Variants in HJURP observed in about 807,000 individuals in gnomAD.
HJURP encodes the protein 14-3-3-associated AKT substrate.
In HJURP, 49 loss-of-function variants were observed where a neutral mutation model predicts 72.0. The observed-to-expected ratio is 0.68, with a 90% CI of 0.54 to 0.86. The LOEUF (loss-of-function observed/expected upper bound fraction) is 0.86, where lower values mean the gene tolerates loss of function less well. HJURP is among the 40% of genes least tolerant of loss of function. HJURP has a pLI of 0.00. For synonymous variants in HJURP, 357 were observed against 347.1 expected, an observed-to-expected ratio of 1.03 and a Z score of -0.32; for missense variants, 908 against 936.3, an observed-to-expected ratio of 0.97 and a Z score of 0.39.
At chr2:233,848,570 G>A (rs1329246172) in intron 4 of HJURP, among the ~76,000 whole-genome samples, 2 of 152,218 alleles carry the variant, frequency 1.3e-5, no homozygotes, top group African/African-American at 4.8e-5. Context: ...GAGGAATGAG[G>A]CAGAGGCTGA....
At position 233,844,047 on chromosome 2, in the gene HJURP, C is replaced by T. The variant is rs562808789; in HGVS notation, c.574+158G>A. Among the ~76,000 whole-genome samples, 17 of 152,320 alleles carry T rather than the reference C, an allele frequency of 1.1e-4. 1 individual carries two copies. In the South Asian group the frequency reaches 2.9e-3, roughly 26 times the overall value. ...ACAGCTCATTTTGAAACATCTTAAT[C>T]TTCCAGTGAAATCCAAGTATATCTC... On this transcript the variant is annotated intron_variant, in intron 7 of 8. Coordinates refer to ENST00000411486, the MANE Select transcript of HJURP (RefSeq NM_018410.5).
Position 233,854,510 on chromosome 2 carries a change from C to A in HJURP, c.-10G>T. 1 of 1,599,016 alleles carries A rather than the reference C, an allele frequency of 6.3e-7. No individual in the cohort carries two copies. The highest frequency in any genetic ancestry group is 1.1e-5 in the South Asian group (1 of 89,982). On this transcript the variant is annotated 5_prime_UTR_variant, in exon 1 of 9. Coordinates refer to ENST00000411486, the MANE Select transcript of HJURP (RefSeq NM_018410.5). ...GCAGCGTACCCAGCATCGGACCCAG[C>A]CAGTACCCAAGCGCCAACCCGGACT...
rs1379054675 is a variant in HJURP at position 233,846,379 on chromosome 2, G to A, written c.403-559C>T. Among the ~76,000 whole-genome samples the A allele has an allele frequency of 6.6e-6, 1 of 152,186 alleles. No homozygotes were observed. Among genetic ancestry groups the A allele is most frequent in the Non-Finnish European group, 1.5e-5 (1 of 68,030 alleles). On this transcript the variant is annotated intron_variant, in intron 5 of 8. Coordinates refer to ENST00000411486, the MANE Select transcript of HJURP (RefSeq NM_018410.5). The surrounding 1 kb of genome is among the most constrained non-coding windows in gnomAD (Gnocchi z 4.3). ...AGGCAGGAGAATCGCTTGAACCCAG[G>A]AAGTAGAGGTTGCAGTGAGCTGAGA...
chr2:233,848,604 T>TAACGCTAGAGGGAAGACGGCAC (rs1705426182), intron 4 of HJURP, among the ~76,000 whole-genome samples: 1 of 152,096 alleles, frequency 6.6e-6, no homozygotes, highest in Non-Finnish European at 1.5e-5. Context: ...GGTTTCTGGC[T>TAACGCTAGAGGGAAGACGGCAC]AACGCTAGAG....
Position 233,845,835 on chromosome 2 carries a change from G to C in HJURP, c.403-15C>G, listed in dbSNP as rs1293558876. On this transcript the variant is annotated splice_polypyrimidine_tract_variant and intron_variant, in intron 5 of 8. Transcript: ENST00000411486. ...GGCACTGCAGGCTGATCAAAAAAGA[G>C]AAGTCAGAATTTTTAAGAGCTTCTG... 20 of 1,585,034 alleles carry C rather than the reference G, an allele frequency of 1.3e-5. No individual in the cohort carries two copies. The highest frequency in any genetic ancestry group is 1.7e-5 in the Non-Finnish European group (20 of 1,157,380).
intron 1 of HJURP, 57 bp downstream of exon 1, chr2:233,854,326 TC>T (rs1228520029): frequency 3.9e-6 from 5 of 1,272,888 alleles, no homozygotes; most frequent in Non-Finnish European, 5.6e-6. Context: ...CTACGTCCCC[TC>T]CCAGCCTCAC....
In HJURP at chr2:233,841,210, GTGA is replaced by G; in HGVS notation, c.1567_1569del (p.Ser523del). The G allele has an allele frequency of 6.2e-7, 1 of 1,614,200 alleles. No homozygotes were observed. Among genetic ancestry groups the G allele is most frequent in the Non-Finnish European group, 8.5e-7 (1 of 1,180,034 alleles). ...CTGTGTGTGGGGTTGGTCTTTGGAA[GTGA>G]TGAAGATGAATCGCTCTTGGGCAGG... On this transcript the variant is annotated inframe_deletion, in exon 8 of 9. Coordinates refer to ENST00000411486, the MANE Select transcript of HJURP (RefSeq NM_018410.5).
chr2:233,841,639 G>A lies in HJURP; in HGVS notation c.1141C>T (p.Pro381Ser), dbSNP rs145326451. 1.9e-6 allele frequency: 3 copies of A among 1,614,182 alleles called. No homozygotes were observed. In the South Asian group the frequency reaches 3.3e-5, roughly 18 times the overall value. ...DPSWKERKVT[P>S]SKYSSLIYFD... is the part of the protein sequence containing the mutation. ...TAAATCAAGGAAGAATACTTCGAGG[G>A]TGTCACTTTGCGCTCCTTCCAACTT... Residue 381 changes from proline (P) to serine (S), a missense_variant, in exon 8 of 9, where the codon CCC becomes TCC. By Grantham distance (74) the Pro-to-Ser change is moderately conservative. Transcript: ENST00000411486.
chr2:233,838,450 A>G (rs1705135508), intron 8 of HJURP, among the ~76,000 whole-genome samples: 3 of 152,164 alleles, frequency 2.0e-5, no homozygotes, highest in Non-Finnish European at 4.4e-5. Flanking sequence ...TGCACGGAGC[A>G]CTGGGGCAGA....
At chr2:233,849,217 C>G (rs895545979) in intron 4 of HJURP, among the ~76,000 whole-genome samples, 3 of 152,112 alleles carry the variant, frequency 2.0e-5, no homozygotes, top group African/African-American at 7.2e-5. Flanking sequence ...AAGGAAGGGG[C>G]CCAGGACAGG....
In HJURP at chr2:233,846,087, ATCTG is replaced by A; in HGVS notation, c.403-271_403-268del. On this transcript the variant is annotated intron_variant, in intron 5 of 8. Transcript: ENST00000411486. This position sits in a 1 kb window ranked among gnomAD's most constrained non-coding sequence, Gnocchi z 4.3. ...GCATTGCTAGACCAGGAAAAAAAAA[ATCTG>A]AATATTCATAGGTGAGTTCAGGACT... 1 of 358,742 alleles carries A rather than the reference ATCTG, an allele frequency of 2.8e-6. No homozygotes were observed. Among genetic ancestry groups the A allele is most frequent in the East Asian group, 5.1e-5 (1 of 19,438 alleles). The allele number at this position is 358,742 out of a possible 1,614,324, so 22.2% of individuals were successfully genotyped here. A position where few individuals can be genotyped will look rare whatever the true frequency, so the allele number is the denominator to read the frequency against.
At chr2:233,849,307 G>C (rs892358963) in intron 4 of HJURP, among the ~76,000 whole-genome samples, 2 of 152,172 alleles carry the variant, frequency 1.3e-5, no homozygotes, top group Admixed American at 6.5e-5. Context: ...AGGGGACAGA[G>C]ACTGAAGACA....
intron 4 of HJURP, among the ~76,000 whole-genome samples, 181 bp downstream of exon 4, chr2:233,849,582 G>A (rs1294795670): frequency 6.6e-6 from 1 of 152,206 alleles, no homozygotes; most frequent in Non-Finnish European, 1.5e-5. Flanking sequence ...GGATGTAACT[G>A]TGGGCAAGGC....
chr2:233,841,121 T>C lies in HJURP; in HGVS notation c.1659A>G (p.Arg553=), dbSNP rs1192100614. 2.5e-6 allele frequency: 4 copies of C among 1,614,040 alleles called. No homozygotes were observed. The highest frequency in any genetic ancestry group is 3.4e-6 in the Non-Finnish European group (4 of 1,180,026). ...GAGTTTTGCTGGGTGACACTGACTT[T>C]CTAAATATTCCAGAACTATTTCCCT... The part of the protein sequence containing the change: ...HVQGNSSGIF[R]KSVSPSKTLS... The change falls in exon 8 of 9, where the codon AGA becomes AGG. Residue 553 remains arginine (R), a synonymous_variant. Coordinates refer to ENST00000411486, the MANE Select transcript of HJURP (RefSeq NM_018410.5).
Position 233,841,881 on chromosome 2 carries a change from C to T in HJURP, c.899G>A (p.Arg300Lys). The change falls in exon 8 of 9, where the codon AGA (arginine) becomes AAA (lysine). Residue 300 changes from arginine (R) to lysine (K), a missense_variant. Arg to Lys is a conservative substitution (Grantham distance 26). This residue lies in a region of HJURP where 598 missense variants were observed against 619.5 expected (regional missense o/e 0.97). Transcript: ENST00000411486. ...TGTTTTGTTCATCCTGCTCTTATAT[C>T]TGTGCCTCCTCCTGGAGTTCCAGTT... ...MQNWNSRRRHRYKSRMNKTYC... is the reference protein window; with the variant it reads ...MQNWNSRRRHKYKSRMNKTYC... The T allele has an allele frequency of 2.5e-6, 4 of 1,614,206 alleles. No individual in the cohort carries two copies. Among genetic ancestry groups the T allele is most frequent in the African/African-American group, 1.3e-5 (1 of 75,050 alleles).
At chr2:233,848,427 G>A (rs1263923521) in intron 4 of HJURP, among the ~76,000 whole-genome samples, 1 of 152,234 alleles carries the variant, frequency 6.6e-6, no homozygotes, top group Non-Finnish European at 1.5e-5. Flanking sequence ...TGTTGCATCA[G>A]AGAAGCGGCT....
intron 8 of HJURP, among the ~76,000 whole-genome samples, chr2:233,839,935 G>A (rs1009521067): frequency 2.6e-5 from 4 of 152,210 alleles, no homozygotes; most frequent in African/African-American, 9.6e-5. Flanking sequence ...TGGACACACA[G>A]AGAAGCTGTG....
chr2:233,850,090 G>C (rs186346941), intron 3 of HJURP, among the ~76,000 whole-genome samples: 1 of 152,352 alleles, frequency 6.6e-6, no homozygotes, highest in East Asian at 1.9e-4. Context: ...AAGCCACTTG[G>C]AAGGAGCAGG....
In HJURP at chr2:233,837,247, C is replaced by CCGCACTCCAGCCTGGG. The variant is rs1705087437; in HGVS notation, c.*314_*329dup. The CCGCACTCCAGCCTGGG allele has an allele frequency of 3.6e-6, 1 of 279,584 alleles. No homozygotes were observed. Among genetic ancestry groups the CCGCACTCCAGCCTGGG allele is most frequent in the Non-Finnish European group, 6.7e-6 (1 of 149,972 alleles). The allele number at this position is 279,584 out of a possible 1,614,324, so 17.3% of individuals were successfully genotyped here. A position where few individuals can be genotyped will look rare whatever the true frequency, so the allele number is the denominator to read the frequency against. ...GTTGCAGTGAGCCAAGATTGTGCCA[C>CCGCACTCCAGCCTGGG]CGCACTCCAGCCTGGGCGATAGAGA... On this transcript the variant is annotated 3_prime_UTR_variant, in exon 9 of 9. Transcript: ENST00000411486.
Sources: gnomAD v4.1 joint callset for allele counts (sites outside exome capture counted in the v4.1 genomes callset) on GRCh38, gnomAD v4.1.1 for gene constraint, gnomAD v4.1.1 regional missense constraint, Gnocchi (gnomAD v3.1) non-coding constraint, MANE v1.5 for transcripts, NCBI Gene and HGNC (gene_info 2026-07-23, HGNC 2026-07-21) for gene names.